Variants in ASIC2 observed in about 807,000 individuals in gnomAD.
ASIC2 encodes the protein acid-sensing ion channel 2.
In ASIC2, 25 loss-of-function variants were observed where a neutral mutation model predicts 57.3. That is an observed-to-expected ratio of 0.44 (90% CI 0.32 to 0.61). The LOEUF (loss-of-function observed/expected upper bound fraction) is 0.61. Ranked by LOEUF, ASIC2 falls within the 20% of genes least tolerant of loss-of-function variation. The pLI is 0.06. For synonymous variants in ASIC2, 319 were observed against 307.5 expected, an observed-to-expected ratio of 1.04 and a Z score of -0.39; for missense variants, 641 against 738.1, an observed-to-expected ratio of 0.87 and a Z score of 1.52.
chr17:34,116,021 A>C (rs558549301), intron 1 of ASIC2, among the ~76,000 whole-genome samples: 83 of 152,326 alleles, frequency 5.4e-4, no homozygotes, highest in African/African-American at 1.9e-3. Flanking sequence ...TATGATACCC[A>C]ACATGGAACA....
intron 1 of ASIC2, among the ~76,000 whole-genome samples, chr17:33,507,959 A>G (rs1914315302): frequency 6.6e-6 from 1 of 152,208 alleles, no homozygotes; most frequent in Admixed American, 6.5e-5. Flanking sequence ...AATATGCCAT[A>G]GTCTGAATAG....
intron 1 of ASIC2, among the ~76,000 whole-genome samples, chr17:33,464,670 C>CCTCTCTCTCT (rs757881490): frequency 7.3e-4 from 90 of 122,778 alleles, no homozygotes; most frequent in Middle Eastern, 4.0e-3. Context: ...TCTCTCTCTC[C>CCTCTCTCTCT]CTCTCTCTCT....
At chr17:33,839,564 T>C (rs1394040063) in intron 1 of ASIC2, among the ~76,000 whole-genome samples, 1 of 152,208 alleles carries the variant, frequency 6.6e-6, no homozygotes, top group Non-Finnish European at 1.5e-5. Flanking sequence ...GATTGCTCGC[T>C]CTAGGGTGAC....
chr17:33,765,704 GT>G (rs1910915560), intron 1 of ASIC2, among the ~76,000 whole-genome samples: 1 of 152,220 alleles, frequency 6.6e-6, no homozygotes, highest in Non-Finnish European at 1.5e-5. Flanking sequence ...TTGAGAGCAA[GT>G]TTTTGGAGAA....
At chr17:33,407,945 C>T (rs1421579364) in intron 1 of ASIC2, among the ~76,000 whole-genome samples, 1 of 152,176 alleles carries the variant, frequency 6.6e-6, no homozygotes, top group East Asian at 1.9e-4. Context: ...CAAATGTCAG[C>T]ATGATGATGT....
At chr17:34,009,045 T>A (rs1906624066) in intron 1 of ASIC2, among the ~76,000 whole-genome samples, 1 of 152,208 alleles carries the variant, frequency 6.6e-6, no homozygotes, top group Admixed American at 6.5e-5. Flanking sequence ...AGACAGAGAT[T>A]TGTTAAATGC....
At chr17:33,952,724 T>C (rs1392119089) in intron 1 of ASIC2, among the ~76,000 whole-genome samples, 2 of 152,104 alleles carry the variant, frequency 1.3e-5, no homozygotes, top group Admixed American at 1.3e-4. Context: ...ACATTTAAAA[T>C]TCAGATGAAG....
intron 1 of ASIC2, among the ~76,000 whole-genome samples, chr17:33,770,687 C>T (rs779962193): frequency 3.9e-5 from 6 of 152,214 alleles, no homozygotes; most frequent in Non-Finnish European, 8.8e-5. Flanking sequence ...CAGCAATTCC[C>T]CATCCCCACA....
chr17:33,864,244 C>G (rs2056897289), intron 1 of ASIC2, among the ~76,000 whole-genome samples: 2 of 152,060 alleles, frequency 1.3e-5, no homozygotes. Flanking sequence ...AATATTTTAC[C>G]ATTTATGTGG....
intron 7 of ASIC2, among the ~76,000 whole-genome samples, 161 bp from the exon 8 acceptor site, chr17:33,017,845 G>A (rs28924): frequency 0.052 from 7,897 of 152,242 alleles, 252 homozygotes; most frequent in African/African-American, 0.096. Context: ...CTTCCCTCAC[G>A]GCACAGCTCT....
At chr17:34,113,211 G>A (rs1255513072) in intron 1 of ASIC2, among the ~76,000 whole-genome samples, 1 of 152,102 alleles carries the variant, frequency 6.6e-6, no homozygotes, top group Non-Finnish European at 1.5e-5. Flanking sequence ...CGAAGAGAGG[G>A]GCGAAGGAAG....
intron 3 of ASIC2, among the ~76,000 whole-genome samples, chr17:33,065,457 A>G (rs1160049749): frequency 6.6e-6 from 1 of 152,030 alleles, no homozygotes; most frequent in Non-Finnish European, 1.5e-5. Flanking sequence ...CTACAGGTGC[A>G]CACCACCACA....
At chr17:33,112,555 C>T (rs35471890) in intron 1 of ASIC2, among the ~76,000 whole-genome samples, 1 of 152,054 alleles carries the variant, frequency 6.6e-6, no homozygotes, top group Non-Finnish European at 1.5e-5. Context: ...TTGGACAATT[C>T]TCTTGCACTT....
intron 1 of ASIC2, among the ~76,000 whole-genome samples, chr17:33,282,586 T>C (rs1369617109): frequency 1.3e-5 from 2 of 152,100 alleles, no homozygotes; most frequent in Non-Finnish European, 2.9e-5. Context: ...GTGATTCTCC[T>C]GCCTCAGCCT....
intron 1 of ASIC2, among the ~76,000 whole-genome samples, chr17:33,897,977 A>G (rs1915138244): frequency 6.6e-6 from 1 of 152,174 alleles, no homozygotes; most frequent in African/African-American, 2.4e-5. Context: ...TTATCCTCAA[A>G]CTGAAGGAGT....
chr17:33,970,239 C>T (rs967156908), intron 1 of ASIC2, among the ~76,000 whole-genome samples: 9 of 152,184 alleles, frequency 5.9e-5, no homozygotes, highest in African/African-American at 1.4e-4. Flanking sequence ...TATCAAATGT[C>T]CCCTGGGTGG....
chr17:33,480,834 C>T (rs1913380882), intron 1 of ASIC2, among the ~76,000 whole-genome samples: 1 of 152,156 alleles, frequency 6.6e-6, no homozygotes, highest in Non-Finnish European at 1.5e-5. Context: ...CTGACCATCA[C>T]CAGGAGAGGC....
chr17:33,232,455 G>T (rs1361443044), intron 1 of ASIC2, among the ~76,000 whole-genome samples: 1 of 142,616 alleles, frequency 7.0e-6, no homozygotes, highest in Non-Finnish European at 1.5e-5. Context: ...GAATGGTATG[G>T]TATGGTATGG....
intron 1 of ASIC2, among the ~76,000 whole-genome samples, chr17:33,617,625 C>A (rs538967726): frequency 6.6e-6 from 1 of 152,316 alleles, no homozygotes; most frequent in African/African-American, 2.4e-5. Context: ...TGTAACAGAC[C>A]TGCACATGTA....
Sources: allele counts gnomAD v4.1 joint callset (sites outside exome capture counted in the v4.1 genomes callset), GRCh38; gene constraint gnomAD v4.1.1; transcripts MANE v1.5; gene names NCBI Gene and HGNC (gene_info 2026-07-23, HGNC 2026-07-21).